The following GNG7 variants were observed in gnomAD, a reference collection of about 807,000 sequenced individuals.
GNG7 encodes the protein G protein subunit gamma 7, also known as guanine nucleotide-binding protein G(I)/G(S)/G(O) subunit gamma-7.
Under a neutral mutation model 4.0 loss-of-function variants are expected in GNG7, and 1 was observed. The observed-to-expected ratio is 0.25, with a 90% CI of 0.09 to 1.18. GNG7 has a LOEUF of 1.18. Ranked by LOEUF, GNG7 falls within the 50% of genes most tolerant of loss-of-function variation. The probability of loss-of-function intolerance (pLI) is 0.50; values close to 1 mark genes in which losing one functional copy is unlikely to be tolerated. For synonymous variants in GNG7, 34 were observed against 36.9 expected, an observed-to-expected ratio of 0.92 and a Z score of 0.29; for missense variants, 86 against 91.9, an observed-to-expected ratio of 0.94 and a Z score of 0.26.
At chr19:2,688,804 G>A (rs191341289) in intron 1 of GNG7, among the ~76,000 whole-genome samples, 86 of 152,214 alleles carry the variant, frequency 5.6e-4, no homozygotes, top group African/African-American at 2.0e-3. Context: ...AGTGGCTCCC[G>A]TCTGTCCTCC....
intron 1 of GNG7, among the ~76,000 whole-genome samples, chr19:2,688,864 G>A (rs58985834): frequency 0.071 from 10,860 of 151,992 alleles, 719 homozygotes; most frequent in African/African-American, 0.17. Context: ...TCAGGAGTTC[G>A]AGACCAGCCT....
rs1051640164 is a variant in GNG7, at chr19:2,661,784, A to G, written c.-134-15504T>C. 5.3e-5 allele frequency among the ~76,000 whole-genome samples: 8 copies of G among 151,686 alleles called. No homozygotes were observed. In the South Asian group the frequency reaches 1.5e-3, roughly 28 times the overall value. ...AGGCCAGTTGGAAGCTGAGGCCTCCACCAACAGCCACATGAGGGCGCCCTC... is the reference window on the plus strand; with the variant it reads ...AGGCCAGTTGGAAGCTGAGGCCTCCGCCAACAGCCACATGAGGGCGCCCTC... On this transcript the variant is annotated intron_variant, in intron 1 of 4. Coordinates refer to ENST00000382159, the MANE Select transcript of GNG7 (RefSeq NM_052847.3).
At chr19:2,667,930 AAAC>A (rs144778780) in intron 1 of GNG7, among the ~76,000 whole-genome samples, 54,312 of 151,540 alleles carry the variant, frequency 0.36, 9,842 homozygotes, top group East Asian at 0.48. Context: ...AAGAAAAAGC[AAAC>A]AACAACAACA....
chr19:2,661,292 A>AAG (rs1479449694), intron 1 of GNG7, among the ~76,000 whole-genome samples: 3,168 of 37,082 alleles, frequency 0.085, 80 homozygotes, highest in African/African-American at 0.15. Flanking sequence ...GAAAGAAAGA[A>AAG]AGAAAGAAAG....
At position 2,614,836 on chromosome 19, in the gene GNG7, C is replaced by T. The variant is rs73919808; in HGVS notation, c.-78+31388G>A. On this transcript the variant is annotated intron_variant, in intron 2 of 4. Transcript: ENST00000382159. This position sits in a 1 kb window ranked among gnomAD's most constrained non-coding sequence, Gnocchi z 6.0. ...ATTGCTGGGTCATGTGGCGACTCCG[C>T]GTTCAGCCTTTTGAGGAACCACCAG... is the stretch of plus-strand genomic sequence containing the variant. Among the ~76,000 whole-genome samples the T allele has an allele frequency of 4.4e-3, 675 of 152,330 alleles. 6 individuals are homozygous for T. The highest frequency in any genetic ancestry group is 0.015 in the African/African-American group (639 of 41,570).
rs1981577323 is a variant in GNG7 at position 2,611,877 on chromosome 19, A to C, written c.-78+34347T>G. On this transcript the variant is annotated intron_variant, in intron 2 of 4. Coordinates refer to ENST00000382159, the MANE Select transcript of GNG7 (RefSeq NM_052847.3). This position sits in a 1 kb window ranked among gnomAD's most constrained non-coding sequence, Gnocchi z 6.0. The stretch of plus-strand genomic sequence containing the variant: ...AAAAGTAAAAGTAAATAAAAATAAA[A>C]ATCTTTTTTTTTTTTGAGATGGAGT... 1 of 151,998 alleles carries C rather than the reference A, an allele frequency of 6.6e-6. No individual in the cohort carries two copies. Among genetic ancestry groups the C allele is most frequent in the Non-Finnish European group, 1.5e-5 (1 of 67,998 alleles). The allele number at this position is 151,998 out of a possible 1,614,324, so 9.4% of individuals were successfully genotyped here.
Position 2,512,876 on chromosome 19 carries a change from C to T in GNG7, c.*2146G>A. ...CTCTGGAACAGGCTTTTGTCCCTTC[C>T]TGCCATTCCTGCTATGCGTGGTGGG... On this transcript the variant is annotated 3_prime_UTR_variant, in exon 5 of 5. Coordinates refer to ENST00000382159, the MANE Select transcript of GNG7 (RefSeq NM_052847.3). This position sits in a 1 kb window ranked among gnomAD's most constrained non-coding sequence, Gnocchi z 4.7. 1 of 983,400 alleles carries T rather than the reference C, an allele frequency of 1.0e-6. No individual in the cohort carries two copies. The highest frequency in any genetic ancestry group is 1.2e-6 in the Non-Finnish European group (1 of 828,030). 60.9% of individuals were successfully genotyped at this position (983,400 alleles called of 1,614,324 possible). A position where few individuals can be genotyped will look rare whatever the true frequency, so the allele number is the denominator to read the frequency against.
At chr19:2,642,992 C>T (rs1054674797) in intron 2 of GNG7, 7 of 452,232 alleles carry the variant, frequency 1.5e-5, no homozygotes, top group Middle Eastern at 3.3e-4. Flanking sequence ...AGTCTGCGCC[C>T]TCTCCGGGCT....
chr19:2,554,559 A>ATATATT (rs1196558078), intron 3 of GNG7, among the ~76,000 whole-genome samples: 12 of 130,140 alleles, frequency 9.2e-5, no homozygotes, highest in African/African-American at 3.4e-4. Context: ...ATATATATAT[A>ATATATT]TTTTTTTTTT....
intron 2 of GNG7, among the ~76,000 whole-genome samples, chr19:2,582,509 G>C (rs1980530862): frequency 6.6e-6 from 1 of 151,922 alleles, no homozygotes. Context: ...TTGAGACAGG[G>C]TCTTGCTCTG....
At chr19:2,666,994 G>A (rs750721415) in intron 1 of GNG7, among the ~76,000 whole-genome samples, 18 of 152,304 alleles carry the variant, frequency 1.2e-4, no homozygotes, top group South Asian at 4.1e-4. Flanking sequence ...AACATCACAC[G>A]GCAGAGTTAG....
chr19:2,686,041 A>G (rs1983861995), intron 1 of GNG7, among the ~76,000 whole-genome samples: 1 of 152,024 alleles, frequency 6.6e-6, no homozygotes, highest in African/African-American at 2.4e-5. Flanking sequence ...TGCCTTTACC[A>G]GACACTTCAT....
intron 1 of GNG7, among the ~76,000 whole-genome samples, chr19:2,647,830 C>G (rs1325874614): frequency 1.3e-5 from 2 of 151,954 alleles, no homozygotes; most frequent in South Asian, 2.1e-4. Flanking sequence ...GAGTTCGAGA[C>G]CAGCCGGGTC....
intron 3 of GNG7, among the ~76,000 whole-genome samples, chr19:2,540,387 G>T: frequency 6.6e-6 from 1 of 151,970 alleles, no homozygotes; most frequent in Non-Finnish European, 1.5e-5. Flanking sequence ...CCTGGCCTCC[G>T]GTGATCCTCC....
intron 2 of GNG7, among the ~76,000 whole-genome samples, chr19:2,568,666 C>A (rs924434918): frequency 1.5e-5 from 2 of 136,790 alleles, no homozygotes; most frequent in Non-Finnish European, 3.2e-5. Flanking sequence ...TATACACATA[C>A]ACATACACAT....
chr19:2,614,108 AG>A lies in GNG7; in HGVS notation c.-78+32115del. 6.6e-6 allele frequency among the ~76,000 whole-genome samples: 1 copy of A among 152,176 alleles called. No homozygotes were observed. Among genetic ancestry groups the A allele is most frequent in the Non-Finnish European group, 1.5e-5 (1 of 68,030 alleles). ...GGGTCCGTTGCAGGCGTCTGTTGCG[AG>A]ACCACATCCTCACCACCCGGTGAAC... On this transcript the variant is annotated intron_variant, in intron 2 of 4. Coordinates refer to ENST00000382159, the MANE Select transcript of GNG7 (RefSeq NM_052847.3). The surrounding 1 kb of genome is among the most constrained non-coding windows in gnomAD (Gnocchi z 6.0).
chr19:2,644,022 T>A (rs1489546869), intron 2 of GNG7, among the ~76,000 whole-genome samples: 1 of 152,038 alleles, frequency 6.6e-6, no homozygotes, highest in Non-Finnish European at 1.5e-5. Flanking sequence ...TACACTTTAT[T>A]TTATTTTATT....
rs536355649 is a variant in GNG7 at position 2,545,141 on chromosome 19, C to A, written c.-38+10008G>T. Among the ~76,000 whole-genome samples the A allele has an allele frequency of 3.3e-5, 5 of 151,330 alleles. No homozygotes were observed. In the East Asian group the frequency reaches 1.0e-3, roughly 30 times the overall value. On this transcript the variant is annotated intron_variant, in intron 3 of 4. Coordinates refer to ENST00000382159, the MANE Select transcript of GNG7 (RefSeq NM_052847.3). Reference sequence around the variant, plus strand: ...TGGAATCCCCTATCCCTGGGGGTTTCACCTAGAGGTAATTCCGTCCCCCAG... The same window carrying A: ...TGGAATCCCCTATCCCTGGGGGTTTAACCTAGAGGTAATTCCGTCCCCCAG...
chr19:2,684,754 C>T (rs1484220696), intron 1 of GNG7, among the ~76,000 whole-genome samples: 9 of 151,954 alleles, frequency 5.9e-5, no homozygotes, highest in African/African-American at 1.7e-4. Context: ...TTTGGGAGGC[C>T]GAGGCGGGTG....
Sources: allele counts gnomAD v4.1 joint callset (sites outside exome capture counted in the v4.1 genomes callset), GRCh38; gene constraint gnomAD v4.1.1; non-coding constraint Gnocchi (gnomAD v3.1); transcripts MANE v1.5; gene names NCBI Gene and HGNC (gene_info 2026-07-23, HGNC 2026-07-21).